SCHIP1: variants seen among roughly 807,000 people sequenced by gnomAD.
SCHIP1 encodes the protein schwannomin-interacting protein 1.
A neutral mutation model predicts 29.7 loss-of-function variants in SCHIP1; 8 were observed. The observed-to-expected ratio is 0.27, with a 90% CI of 0.16 to 0.49. SCHIP1 has a LOEUF of 0.49. Ranked by LOEUF, SCHIP1 falls within the 20% of genes least tolerant of loss-of-function variation. The pLI is 0.99. For synonymous variants in SCHIP1, 76 were observed against 94.9 expected (o/e 0.80, Z 1.16); for missense variants, 193 against 294.6 (o/e 0.66, Z 2.52).
At chr3:159,555,243 T>C in the SCHIP1 span, among the ~76,000 whole-genome samples, 8 of 152,284 alleles carry the variant, frequency 5.3e-5, no homozygotes, top group East Asian at 1.5e-3. Context: ...TGGCCCTGGT[T>C]GTGGTAGGAG....
At chr3:159,572,992 G>C in the SCHIP1 span, among the ~76,000 whole-genome samples, 49 of 126,876 alleles carry the variant, frequency 3.9e-4, no homozygotes, top group African/African-American at 1.1e-3. Context: ...CTTTTATTTT[G>C]AGCCTATGTG....
chr3:159,732,661 G>A, the SCHIP1 span, among the ~76,000 whole-genome samples: 3 of 152,190 alleles, frequency 2.0e-5, no homozygotes, highest in African/African-American at 7.2e-5. Context: ...GGCATTTCCA[G>A]GGCAGGGCAG....
chr3:159,287,910 G>A, the SCHIP1 span, among the ~76,000 whole-genome samples: 6 of 152,126 alleles, frequency 3.9e-5, no homozygotes, highest in African/African-American at 1.4e-4. Context: ...ATTGTTTTCT[G>A]TAGGGTTCAA....
the SCHIP1 span, among the ~76,000 whole-genome samples, chr3:159,475,634 C>T: frequency 8.5e-5 from 13 of 152,244 alleles, no homozygotes; most frequent in Middle Eastern, 6.8e-3. Flanking sequence ...ATCTATTTTA[C>T]TTTTAGCTTC....
chr3:159,636,884 G>A, the SCHIP1 span, among the ~76,000 whole-genome samples: 1 of 152,254 alleles, frequency 6.6e-6, no homozygotes, highest in South Asian at 2.1e-4. Context: ...AGAGACTGAG[G>A]CCAAAGTATC....
At chr3:159,693,344 C>CAT in the SCHIP1 span, among the ~76,000 whole-genome samples, 106 of 150,784 alleles carry the variant, frequency 7.0e-4, no homozygotes, top group East Asian at 7.0e-3. Context: ...TATACGCACA[C>CAT]ATATATATAT....
At chr3:159,310,187 G>A in the SCHIP1 span, among the ~76,000 whole-genome samples, 4 of 152,000 alleles carry the variant, frequency 2.6e-5, no homozygotes, top group Non-Finnish European at 5.9e-5. Context: ...CTACTGATGA[G>A]AATAAAATTG....
the SCHIP1 span, among the ~76,000 whole-genome samples, chr3:159,383,000 G>A: frequency 2.5e-3 from 376 of 149,938 alleles, 3 homozygotes; most frequent in Non-Finnish European, 4.0e-3. Flanking sequence ...GTAGATTCTG[G>A]ATATTAGCCC....
chr3:159,849,990 T>A (rs1712366128), intron 1 of SCHIP1, among the ~76,000 whole-genome samples: 1 of 152,272 alleles, frequency 6.6e-6, no homozygotes, highest in Admixed American at 6.5e-5. Flanking sequence ...CCCTGTCCCC[T>A]TAGAAAAGAG....
At chr3:159,600,941 T>C in the SCHIP1 span, among the ~76,000 whole-genome samples, 1 of 152,222 alleles carries the variant, frequency 6.6e-6, no homozygotes, top group East Asian at 1.9e-4. Flanking sequence ...TAAATAGTAT[T>C]AGTGCTTTCT....
At chr3:159,772,263 G>A in the SCHIP1 span, among the ~76,000 whole-genome samples, 1 of 152,140 alleles carries the variant, frequency 6.6e-6, no homozygotes, top group Non-Finnish European at 1.5e-5. Context: ...CAATTCTCAT[G>A]CCTCAGCCTC....
At chr3:159,732,431 T>A in the SCHIP1 span, among the ~76,000 whole-genome samples, 2 of 152,204 alleles carry the variant, frequency 1.3e-5, no homozygotes, top group Admixed American at 1.3e-4. Flanking sequence ...TCCCAAACCT[T>A]CTCTCCGCAA....
At chr3:159,397,878 G>C in the SCHIP1 span, among the ~76,000 whole-genome samples, 1 of 152,234 alleles carries the variant, frequency 6.6e-6, no homozygotes, top group African/African-American at 2.4e-5. Flanking sequence ...TGACTGCTTT[G>C]TTTACCTAAG....
At chr3:159,677,678 G>A in the SCHIP1 span, among the ~76,000 whole-genome samples, 1 of 152,142 alleles carries the variant, frequency 6.6e-6, no homozygotes, top group South Asian at 2.1e-4. Flanking sequence ...CCAGCGTTAG[G>A]GAAATGAAAG....
At chr3:159,362,487 G>A in the SCHIP1 span, among the ~76,000 whole-genome samples, 1 of 152,226 alleles carries the variant, frequency 6.6e-6, no homozygotes. Flanking sequence ...GAATAAGTCA[G>A]ATCTTTCATG....
At chr3:159,509,851 G>A in the SCHIP1 span, among the ~76,000 whole-genome samples, 1 of 152,160 alleles carries the variant, frequency 6.6e-6, no homozygotes, top group African/African-American at 2.4e-5. Context: ...TTAGTCTGAT[G>A]GGCTTCCCTT....
chr3:159,308,005 T>C, the SCHIP1 span, among the ~76,000 whole-genome samples: 1 of 152,152 alleles, frequency 6.6e-6, no homozygotes, highest in Non-Finnish European at 1.5e-5. Context: ...TGATGTCAGG[T>C]AGTGTGATGC....
the SCHIP1 span, among the ~76,000 whole-genome samples, chr3:159,286,185 GTACCTGATAATT>G: frequency 1.7e-3 from 255 of 152,224 alleles, no homozygotes; most frequent in African/African-American, 6.0e-3. Context: ...AATAAGCGTA[GTACCTGATAATT>G]TAGTTTTTTG....
chr3:159,761,036 A>G, the SCHIP1 span, among the ~76,000 whole-genome samples: 4 of 152,258 alleles, frequency 2.6e-5, no homozygotes, highest in Non-Finnish European at 5.9e-5. Context: ...GTAACATTTA[A>G]GCTGAGACTT....
Sources: allele counts gnomAD v4.1 joint callset (sites outside exome capture counted in the v4.1 genomes callset), GRCh38; gene constraint gnomAD v4.1.1; transcripts MANE v1.5; gene names NCBI Gene and HGNC (gene_info 2026-07-23, HGNC 2026-07-21).